The following PCDHGA7 variants were observed in gnomAD, a reference collection of about 807,000 sequenced individuals.
PCDHGA7 encodes the protein protocadherin gamma-A7.
PCDHGA7 carries 44 observed loss-of-function variants against 58.3 expected under a neutral mutation model. The observed-to-expected ratio is 0.75, with a 90% CI of 0.59 to 0.97. The LOEUF (loss-of-function observed/expected upper bound fraction) is 0.97. Among genes scored for constraint, PCDHGA7 ranks in the 50% least tolerant of loss-of-function variants. The probability of loss-of-function intolerance (pLI) is 0.00; values close to 1 mark genes in which losing one functional copy is unlikely to be tolerated. For synonymous variants in PCDHGA7, 516 were observed against 504.2 expected (o/e 1.02, Z -0.31); for missense variants, 1,266 against 1,188.7 (o/e 1.06, Z -0.96).
chr5:141,488,186 G>T (rs1005725656), intron 1 of PCDHGA7, among the ~76,000 whole-genome samples: 2 of 152,180 alleles, frequency 1.3e-5, no homozygotes, highest in South Asian at 2.1e-4. Context: ...AGATCTTTTG[G>T]TCTGGGTCTT....
chr5:141,393,169 T>C lies in PCDHGA7; in HGVS notation c.2424+7846T>C, dbSNP rs113280752. 2,582 of 1,613,090 alleles carry C rather than the reference T, an allele frequency of 1.6e-3. 1 individual carries two copies. The highest frequency in any genetic ancestry group is 1.9e-3 in the Non-Finnish European group (2,191 of 1,179,870). On this transcript the variant is annotated intron_variant, in intron 1 of 3. Coordinates refer to ENST00000518325, the MANE Select transcript of PCDHGA7 (RefSeq NM_018920.4). ...GAGGATAAAGGAAAACTCTTTGGGGTAGAAATAGAAATAATTGATATTAAC... is the reference window on the plus strand; with the variant it reads ...GAGGATAAAGGAAAACTCTTTGGGGCAGAAATAGAAATAATTGATATTAAC...
At chr5:141,393,399 C>A in intron 1 of PCDHGA7, 2 of 1,614,028 alleles carry the variant, frequency 1.2e-6, no homozygotes, top group Non-Finnish European at 1.7e-6. Context: ...AGAGCTGGTG[C>A]TGGAGCGCGC....
chr5:141,390,130 C>T lies in PCDHGA7; in HGVS notation c.2424+4807C>T. On this transcript the variant is annotated intron_variant, in intron 1 of 3. Coordinates refer to ENST00000518325, the MANE Select transcript of PCDHGA7 (RefSeq NM_018920.4). Reference sequence around the variant, plus strand: ...TACAGCGAGGGGACTTTGCCTTATTCCTACAATCTATGTGTTGCACATACA... The same window carrying T: ...TACAGCGAGGGGACTTTGCCTTATTTCTACAATCTATGTGTTGCACATACA... 6.2e-7 allele frequency: 1 copy of T among 1,614,034 alleles called. No individual in the cohort carries two copies. Among genetic ancestry groups the T allele is most frequent in the Non-Finnish European group, 8.5e-7 (1 of 1,179,898 alleles).
chr5:141,396,911 T>C (rs756096789), intron 1 of PCDHGA7, among the ~76,000 whole-genome samples: 3 of 152,238 alleles, frequency 2.0e-5, no homozygotes, highest in Non-Finnish European at 4.4e-5. Context: ...CACTTTGCAA[T>C]TTTAAAAACT....
At chr5:141,400,262 G>T (rs1485452553) in intron 1 of PCDHGA7, 1 of 1,613,914 alleles carries the variant, frequency 6.2e-7, no homozygotes, top group African/African-American at 1.3e-5. Flanking sequence ...TTGCGCCTGC[G>T]ACGCTCCTCC....
chr5:141,438,576 A>C (rs1016175176), intron 1 of PCDHGA7, among the ~76,000 whole-genome samples: 4 of 55,572 alleles, frequency 7.2e-5, no homozygotes, highest in Non-Finnish European at 1.2e-4. Context: ...TCTGATATAC[A>C]TACATACATA....
intron 1 of PCDHGA7, chr5:141,423,750 TGGG>T: frequency 4.5e-5 from 13 of 287,436 alleles, no homozygotes; most frequent in South Asian, 1.7e-4. Flanking sequence ...GAAAACTGTT[TGGG>T]GGGGGGGTGG....
Position 141,491,902 on chromosome 5 carries a change from G to C in PCDHGA7, c.2425-2905G>C. On this transcript the variant is annotated intron_variant, in intron 1 of 3. Transcript: ENST00000518325. This position sits in a 1 kb window ranked among gnomAD's most constrained non-coding sequence, Gnocchi z 6.9. ...AGGGATGGGGCTCCGAGCACCGGGG[G>C]TGGTGGCGACTGTGGGCGAGGGGAG... 7.0e-7 allele frequency: 1 copy of C among 1,429,002 alleles called. No individual in the cohort carries two copies. Among genetic ancestry groups the C allele is most frequent in the Non-Finnish European group, 9.3e-7 (1 of 1,079,426 alleles). The allele number at this position is 1,429,002 out of a possible 1,614,324, so 88.5% of individuals were successfully genotyped here. A position where few individuals can be genotyped will look rare whatever the true frequency, so the allele number is the denominator to read the frequency against.
At chr5:141,496,817 T>C (rs2099771666) in intron 2 of PCDHGA7, among the ~76,000 whole-genome samples, 1 of 151,020 alleles carries the variant, frequency 6.6e-6, no homozygotes, top group Non-Finnish European at 1.5e-5. Flanking sequence ...AGTGAACAAG[T>C]AGATGTGATC....
At chr5:141,414,037 T>C (rs769920301) in intron 1 of PCDHGA7, 2 of 1,611,060 alleles carry the variant, frequency 1.2e-6, no homozygotes, top group Admixed American at 1.7e-5. Context: ...ATTCCGAAAA[T>C]TACCTGACAC....
At position 141,485,930 on chromosome 5, in the gene PCDHGA7, G is replaced by C; in HGVS notation, c.2425-8877G>C. ...ATCCAGCTACAGGATTAGTGTGTTGGAGAGCGCACCAGCGGGCATGGTGCT... is the reference window on the plus strand; with the variant it reads ...ATCCAGCTACAGGATTAGTGTGTTGCAGAGCGCACCAGCGGGCATGGTGCT... On this transcript the variant is annotated intron_variant, in intron 1 of 3. Coordinates refer to ENST00000518325, the MANE Select transcript of PCDHGA7 (RefSeq NM_018920.4). The surrounding 1 kb of genome is among the most constrained non-coding windows in gnomAD (Gnocchi z 5.7). 6.2e-7 allele frequency: 1 copy of C among 1,614,178 alleles called. No homozygotes were observed. The highest frequency in any genetic ancestry group is 8.5e-7 in the Non-Finnish European group (1 of 1,180,042).
rs1031624761 is a variant in PCDHGA7 at position 141,433,138 on chromosome 5, G to A, written c.2424+47815G>A. The A allele has an allele frequency of 2.5e-6, 4 of 1,614,038 alleles. No individual in the cohort carries two copies. In the Admixed American group the frequency reaches 6.7e-5, roughly 27 times the overall value. On this transcript the variant is annotated intron_variant, in intron 1 of 3. Coordinates refer to ENST00000518325, the MANE Select transcript of PCDHGA7 (RefSeq NM_018920.4). ...TTGAAAAAAGCGAGCCCCTTTTGCT[G>A]TCAGGTGATTCGGTATTTTCTAAAG...
At position 141,394,145 on chromosome 5, in the gene PCDHGA7, C is replaced by T. The variant is rs754958885; in HGVS notation, c.2424+8822C>T. The T allele has an allele frequency of 3.7e-6, 6 of 1,613,962 alleles. No homozygotes were observed. The East Asian group carries it at 8.9e-5, about 24-fold the overall frequency. On this transcript the variant is annotated intron_variant, in intron 1 of 3. Transcript: ENST00000518325. ...CTCAAATCGCTCTGCACGTGGCAGA[C>T]ATTAACGACAACCCTCCTACTTTCC...
intron 1 of PCDHGA7, chr5:141,413,625 C>T (rs372855865): frequency 1.2e-6 from 2 of 1,613,854 alleles, no homozygotes; most frequent in Admixed American, 3.3e-5. Context: ...ATGAAAATGT[C>T]GCTGCGGGAA....
intron 1 of PCDHGA7, among the ~76,000 whole-genome samples, chr5:141,447,321 G>C (rs148203274): frequency 3.9e-5 from 6 of 152,068 alleles, no homozygotes; most frequent in Admixed American, 6.5e-5. Flanking sequence ...TGTATTTTTA[G>C]TAGAGACGGG....
At chr5:141,421,720 G>A (rs372813759) in intron 1 of PCDHGA7, 4 of 1,613,788 alleles carry the variant, frequency 2.5e-6, no homozygotes, top group Non-Finnish European at 3.4e-6. Context: ...AGATGTGGGC[G>A]TGAACTCCCT....
At chr5:141,419,585 G>C (rs2096403161) in intron 1 of PCDHGA7, 8 of 1,611,776 alleles carry the variant, frequency 5.0e-6, no homozygotes, top group Non-Finnish European at 6.8e-6. Flanking sequence ...CGCGCTCTTC[G>C]ACACAGTGCC....
intron 1 of PCDHGA7, among the ~76,000 whole-genome samples, chr5:141,445,834 T>G (rs1310067225): frequency 6.6e-6 from 1 of 152,218 alleles, no homozygotes; most frequent in Middle Eastern, 3.2e-3. Context: ...GGGAGAGCCT[T>G]GTAAATCACA....
In PCDHGA7 at chr5:141,393,995, A is replaced by C. The variant is rs201832611; in HGVS notation, c.2424+8672A>C. On this transcript the variant is annotated intron_variant, in intron 1 of 3. Coordinates refer to ENST00000518325, the MANE Select transcript of PCDHGA7 (RefSeq NM_018920.4). ...CACGTGATAATTTACCTTTTAAATT[A>C]GAAAAGTCAATAGGTAATTATTATA... is the stretch of plus-strand genomic sequence containing the variant. The C allele has an allele frequency of 8.1e-6, 13 of 1,613,430 alleles. No homozygotes were observed. Among genetic ancestry groups the C allele is most frequent in the Non-Finnish European group, 1.1e-5 (13 of 1,179,634 alleles).
Sources: allele counts gnomAD v4.1 joint callset (sites outside exome capture counted in the v4.1 genomes callset), GRCh38; gene constraint gnomAD v4.1.1; non-coding constraint Gnocchi (gnomAD v3.1); transcripts MANE v1.5; gene names NCBI Gene and HGNC (gene_info 2026-07-23, HGNC 2026-07-21).